OLAH: variants seen among roughly 807,000 people sequenced by gnomAD.
OLAH encodes S-acyl fatty acid synthase thioesterase, medium chain.
Under a neutral mutation model 27.8 loss-of-function variants are expected in OLAH, and 33 were observed. That is an observed-to-expected ratio of 1.19 (90% CI 0.90 to 1.59). The LOEUF is 1.59. Among genes scored for constraint, OLAH ranks in the 40% most tolerant of loss-of-function variants. OLAH has a pLI of 0.00. For synonymous variants in OLAH, 120 were observed against 102.9 expected (o/e 1.17, Z -1.01); for missense variants, 359 against 310.8 (o/e 1.16, Z -1.17).
In OLAH at chr10:15,071,850, T is replaced by A; in HGVS notation, c.628T>A (p.Ser210Thr). ...CTGTGACTTGACATGTTTTGTTGGA[T>A]CTGAAGACATAGCAAAGGACATGGA... is the stretch of plus-strand genomic sequence containing the variant. Reference protein sequence around the residue: ...LSCDLTCFVGSEDIAKDMEAW... With the variant: ...LSCDLTCFVGTEDIAKDMEAW... The change falls in exon 7 of 8, where the codon TCT becomes ACT. Residue 210 changes from serine to threonine, a missense_variant. By Grantham distance (58) the Ser-to-Thr change is moderately conservative. Coordinates refer to ENST00000378228, the MANE Select transcript of OLAH (RefSeq NM_001039702.3). The A allele has an allele frequency of 2.5e-6, 4 of 1,613,208 alleles. No homozygotes were observed. Among genetic ancestry groups the A allele is most frequent in the Non-Finnish European group, 3.4e-6 (4 of 1,179,114 alleles).
chr10:15,071,805 CCATCTAAGG>C lies in OLAH; in HGVS notation c.585_593del (p.Ser196_Ala198del), dbSNP rs1844592397. 1 of 1,611,756 alleles carries C rather than the reference CCATCTAAGG, an allele frequency of 6.2e-7. No individual in the cohort carries two copies. The highest frequency in any genetic ancestry group is 1.1e-5 in the South Asian group (1 of 90,966). ...CTTTTATGTTTATAGCTCTAACGTA[CCATCTAAGG>C]CTGTTCTTTCCTGTGACTTGACATG... On this transcript the variant is annotated inframe_deletion, in exon 7 of 8. Coordinates refer to ENST00000378228, the MANE Select transcript of OLAH (RefSeq NM_001039702.3).
chr10:15,058,758 C>T (rs917015114), intron 3 of OLAH, among the ~76,000 whole-genome samples: 4 of 152,206 alleles, frequency 2.6e-5, no homozygotes, highest in Admixed American at 2.0e-4. Flanking sequence ...TATTTTAGTG[C>T]AAGTCTGCTG....
intron 1 of OLAH, among the ~76,000 whole-genome samples, chr10:15,046,717 C>A (rs929577932): frequency 6.6e-6 from 1 of 152,158 alleles, no homozygotes; most frequent in Non-Finnish European, 1.5e-5. Flanking sequence ...CTGGGATGAG[C>A]CGCCACGCCC....
At chr10:15,072,986 A>G in intron 7 of OLAH, 101 bp from the exon 8 acceptor site, 1 of 1,100,994 alleles carries the variant, frequency 9.1e-7, no homozygotes, top group Non-Finnish European at 1.4e-6. Flanking sequence ...CCTTGAAAGT[A>G]ACCGTACTTC....
intron 5 of OLAH, 105 bp downstream of exon 5, chr10:15,064,607 G>A: frequency 1.6e-6 from 1 of 639,992 alleles, no homozygotes; most frequent in Non-Finnish European, 2.6e-6. Context: ...CCAGTATGAT[G>A]ATGATGGTGG....
chr10:15,070,479 T>C (rs1285180190), intron 6 of OLAH, among the ~76,000 whole-genome samples: 1 of 152,186 alleles, frequency 6.6e-6, no homozygotes. Context: ...TTGTTGTTGT[T>C]GTTTTGTTTT....
intron 3 of OLAH, among the ~76,000 whole-genome samples, chr10:15,051,294 T>C (rs1464874352): frequency 6.6e-6 from 1 of 152,172 alleles, no homozygotes; most frequent in Non-Finnish European, 1.5e-5. Context: ...TAAATTCACA[T>C]TGTTAACAAT....
At chr10:15,055,014 G>C (rs1844219855) in intron 3 of OLAH, among the ~76,000 whole-genome samples, 1 of 151,952 alleles carries the variant, frequency 6.6e-6, no homozygotes, top group African/African-American at 2.4e-5. Flanking sequence ...ACCCAGGCTA[G>C]AGTGCAGTGG....
In OLAH at chr10:15,047,192, A is replaced by T; in HGVS notation, c.-97A>T. On this transcript the variant is annotated 5_prime_UTR_variant, in exon 2 of 8. The change creates a new upstream start codon in the 5' untranslated region. Coordinates refer to ENST00000378228, the MANE Select transcript of OLAH (RefSeq NM_001039702.3). Reference sequence around the variant, plus strand: ...ATCTACTCACTCTTCTGTGTGCATAAGGCCGAGCAGAGGTTCTTCGTCTCA... The same window carrying T: ...ATCTACTCACTCTTCTGTGTGCATATGGCCGAGCAGAGGTTCTTCGTCTCA... The T allele has an allele frequency of 8.0e-7, 1 of 1,246,492 alleles. No homozygotes were observed. 77.2% of individuals were successfully genotyped at this position (1,246,492 alleles called of 1,614,324 possible). A position where few individuals can be genotyped will look rare whatever the true frequency, so the allele number is the denominator to read the frequency against.
chr10:15,057,259 C>G (rs1158942770), intron 3 of OLAH, among the ~76,000 whole-genome samples: 1 of 152,106 alleles, frequency 6.6e-6, no homozygotes, highest in Non-Finnish European at 1.5e-5. Flanking sequence ...GCTAGATATC[C>G]AAGTTTACTT....
chr10:15,038,088 G>C (rs890338839), intron 1 of OLAH, among the ~76,000 whole-genome samples: 1 of 152,244 alleles, frequency 6.6e-6, no homozygotes, highest in Non-Finnish European at 1.5e-5. Flanking sequence ...GATCACTTTG[G>C]AGTTTTAAGA....
At chr10:15,056,709 C>A in intron 3 of OLAH, 1 of 1,133,634 alleles carries the variant, frequency 8.8e-7, no homozygotes, top group Non-Finnish European at 1.1e-6. Context: ...TGGCTCATTG[C>A]AGCCTTAACT....
chr10:15,071,618 T>C (rs186452468), intron 6 of OLAH, 177 bp from the exon 7 acceptor site: 1 of 984,374 alleles, frequency 1.0e-6, no homozygotes, highest in East Asian at 1.1e-4. Context: ...GTCTCCACAC[T>C]GAGTCTCAGG....
intron 4 of OLAH, among the ~76,000 whole-genome samples, chr10:15,064,033 C>T (rs1844417940): frequency 6.6e-6 from 1 of 152,174 alleles, no homozygotes; most frequent in African/African-American, 2.4e-5. Flanking sequence ...ATAGCTTTGA[C>T]CTCATGGACC....
rs1279362877 is a variant in OLAH at position 15,049,721 on chromosome 10, CT to C, written c.120del (p.His41IlefsTer18). On this transcript the variant is annotated frameshift_variant, in exon 3 of 8. Coordinates refer to ENST00000378228, the MANE Select transcript of OLAH (RefSeq NM_001039702.3). LOFTEE classifies it high-confidence loss of function. The stretch of plus-strand genomic sequence containing the variant: ...TTTCCCTGGATGGGAGGTGGCTCCA[CT>C]CATTTTGCCAAATGGGGCCAAGATA... ...ICFPWMGGGSTHFAKWGQDTH... is the reference protein window; with the variant it reads ...ICFPWMGGGSXHFAKWGQDTH... 6.2e-7 allele frequency: 1 copy of C among 1,610,140 alleles called. No homozygotes were observed. Among genetic ancestry groups the C allele is most frequent in the East Asian group, 2.2e-5 (1 of 44,802 alleles).
In OLAH at chr10:15,049,601, C is replaced by T. The variant is rs1372458834; in HGVS notation, c.33-34C>T. The T allele has an allele frequency of 2.8e-6, 4 of 1,413,680 alleles. No homozygotes were observed. In the African/African-American group the frequency reaches 4.3e-5, roughly 15 times the overall value. 87.6% of individuals were successfully genotyped at this position (1,413,680 alleles called of 1,614,324 possible). On this transcript the variant is annotated intron_variant, in intron 2 of 7. Transcript: ENST00000378228. The stretch of plus-strand genomic sequence containing the variant: ...CAGTATAGGGAACTTAATTGATATA[C>T]ATAATGTTAAATATATTTGAATTTT...
upstream of OLAH, among the ~76,000 whole-genome samples, chr10:15,042,937 T>A (rs991694809): frequency 1.5e-5 from 2 of 136,598 alleles, no homozygotes; most frequent in Admixed American, 8.8e-5. Context: ...CTCCGCTCAC[T>A]GCAAGCTCCG....
intron 4 of OLAH, 131 bp from the exon 5 acceptor site, chr10:15,064,272 T>C: frequency 1.6e-6 from 1 of 619,438 alleles, no homozygotes; most frequent in Non-Finnish European, 2.8e-6. Context: ...GACTTCTTAA[T>C]CAACTCACAC....
rs377106240 is a variant in OLAH, at chr10:15,059,943, A to C, written c.164-1781A>C. ...ATGGACAAGCCTTGGTGTGGTTTTC[A>C]TTGTTTATTCTGTTTGAGTTTCCTT... On this transcript the variant is annotated intron_variant, in intron 3 of 7. Transcript: ENST00000378228. Among the ~76,000 whole-genome samples the C allele has an allele frequency of 7.2e-5, 11 of 152,116 alleles. No homozygotes were observed. The South Asian group carries it at 1.9e-3, about 26-fold the overall frequency.
Sources: allele counts gnomAD v4.1 joint callset (sites outside exome capture counted in the v4.1 genomes callset), GRCh38; gene constraint gnomAD v4.1.1; transcripts MANE v1.5; gene names NCBI Gene and HGNC (gene_info 2026-07-23, HGNC 2026-07-21).